The following PHF3 variants were observed in gnomAD, a reference collection of about 807,000 sequenced individuals.
The protein encoded by PHF3 is PHD finger protein 3.
Under a neutral mutation model 178.4 loss-of-function variants are expected in PHF3, and 41 were observed. The observed-to-expected ratio is 0.23, with a 90% CI of 0.18 to 0.30. The LOEUF is 0.30. Ranked by LOEUF, PHF3 falls within the 10% of genes least tolerant of loss-of-function variation. PHF3 has a pLI of 1.00. For synonymous variants in PHF3, 842 were observed against 800.5 expected (o/e 1.05, Z -0.88); for missense variants, 2,346 against 2,398.1 (o/e 0.98, Z 0.45).
At chr6:63,689,295 A>G (rs1233408246) in intron 4 of PHF3, among the ~76,000 whole-genome samples, 1 of 152,076 alleles carries the variant, frequency 6.6e-6, no homozygotes, top group East Asian at 1.9e-4. Flanking sequence ...CTGTTTTTCT[A>G]CTTCTCCAGA....
chr6:63,636,439 CCACTGGTA>C lies in PHF3; in HGVS notation c.-26+291_-26+298del, dbSNP rs145801805. On this transcript the variant is annotated intron_variant, in intron 1 of 15. Coordinates refer to ENST00000262043, the MANE Select transcript of PHF3 (RefSeq NM_001370348.2). The stretch of plus-strand genomic sequence containing the variant: ...GTCGGGACCACGGCCTCTCTCCCGA[CCACTGGTA>C]CCCAGCCGTCTGCTGCGAGGGCGCC... The C allele has an allele frequency of 5.6e-3, 854 of 152,380 alleles. 5 individuals are homozygous for C. The highest frequency in any genetic ancestry group is 0.02 in the African/African-American group (822 of 41,580). 9.4% of individuals were successfully genotyped at this position (152,380 alleles called of 1,614,324 possible).
chr6:63,709,964 A>T (rs1334173474), intron 14 of PHF3, among the ~76,000 whole-genome samples: 1 of 152,128 alleles, frequency 6.6e-6, no homozygotes, highest in East Asian at 1.9e-4. Context: ...GGAAAATTTA[A>T]TCATTAGAAG....
intron 12 of PHF3, among the ~76,000 whole-genome samples, 173 bp from the exon 13 acceptor site, chr6:63,706,556 A>C (rs1767701813): frequency 6.6e-6 from 1 of 152,228 alleles, no homozygotes; most frequent in African/African-American, 2.4e-5. Context: ...AGATTTTGTA[A>C]AACATTACTA....
chr6:63,713,720 T>G lies in PHF3; in HGVS notation c.*12T>G. The G allele has an allele frequency of 6.5e-7, 1 of 1,530,028 alleles. No individual in the cohort carries two copies. Among genetic ancestry groups the G allele is most frequent in the Non-Finnish European group, 8.7e-7 (1 of 1,143,110 alleles). 94.8% of individuals were successfully genotyped at this position (1,530,028 alleles called of 1,614,324 possible). A position where few individuals can be genotyped will look rare whatever the true frequency, so the allele number is the denominator to read the frequency against. Reference sequence around the variant, plus strand: ...AAAGCAAAAGGTAAAATTTGCAGGCTGCTTCAGGATTACATTTAAATAACT... The same window carrying G: ...AAAGCAAAAGGTAAAATTTGCAGGCGGCTTCAGGATTACATTTAAATAACT... On this transcript the variant is annotated 3_prime_UTR_variant, in exon 16 of 16. Coordinates refer to ENST00000262043, the MANE Select transcript of PHF3 (RefSeq NM_001370348.2).
intron 4 of PHF3, among the ~76,000 whole-genome samples, chr6:63,691,209 T>C (rs374034582): frequency 6.6e-5 from 10 of 152,292 alleles, no homozygotes; most frequent in African/African-American, 2.4e-4. Context: ...GGCTCCATCA[T>C]GCTAGTTTTT....
rs1011389253 is a variant in PHF3 at position 63,711,652 on chromosome 6, A to T, written c.4064A>T (p.His1355Leu). ...ATTCGTCAGAAACTGAAGCGACAGC[A>T]CAGTGCCTGTGCTAGTACTAGTCAT... The part of the protein sequence containing the change: ...LIIRQKLKRQ[H>L]SACASTSHIA... Residue 1355 changes from histidine (H) to leucine (L), a missense_variant, in exon 16 of 16, where the codon CAC (histidine) becomes CTC (leucine). His to Leu is a moderately conservative substitution (Grantham distance 99, BLOSUM62 -3). This residue lies in a region of PHF3 where 839 missense variants were observed against 806.9 expected (regional missense o/e 1.04). Transcript: ENST00000262043. 1 of 1,611,726 alleles carries T rather than the reference A, an allele frequency of 6.2e-7. No homozygotes were observed. The highest frequency in any genetic ancestry group is 8.5e-7 in the Non-Finnish European group (1 of 1,179,394).
Position 63,718,059 on chromosome 6 carries a change from C to T in PHF3, c.*4351C>T, listed in dbSNP as rs1396273611. On this transcript the variant is annotated 3_prime_UTR_variant, in exon 16 of 16. Transcript: ENST00000262043. ...TCACCAGGATAGCAAAAATAGGAAG[C>T]GGGAATAGTGTTGATTTGTTACATG... is the stretch of plus-strand genomic sequence containing the variant. Among the ~76,000 whole-genome samples the T allele has an allele frequency of 1.3e-5, 2 of 151,782 alleles. No individual in the cohort carries two copies. The highest frequency in any genetic ancestry group is 4.8e-5 in the African/African-American group (2 of 41,382).
In PHF3 at chr6:63,684,697, A is replaced by G. The variant is rs751649183; in HGVS notation, c.975A>G (p.Thr325=). ...TRKVEQDSKE[T]VKLSHEDDHI... ...AAGTTGAACAAGATTCAAAGGAGAC[A>G]GTAAAATTATCCCATGAAGATGACC... Residue 325 remains threonine, a synonymous_variant, in exon 4 of 16, where the codon ACA becomes ACG. Transcript: ENST00000262043. 4.3e-6 allele frequency: 7 copies of G among 1,613,700 alleles called. No homozygotes were observed. In the East Asian group the frequency reaches 1.1e-4, roughly 26 times the overall value.
At chr6:63,636,231 G>A (rs892179020) in intron 1 of PHF3, 81 bp downstream of exon 1, 2 of 324,690 alleles carry the variant, frequency 6.2e-6, no homozygotes, top group Admixed American at 4.9e-5. Context: ...CAGCGCCTCC[G>A]CGGGCCTCTC....
intron 2 of PHF3, among the ~76,000 whole-genome samples, chr6:63,655,325 C>T (rs1486740884): frequency 2.6e-5 from 4 of 152,080 alleles, no homozygotes; most frequent in African/African-American, 9.7e-5. Context: ...GATCCACCTG[C>T]GTTGGCTTCC....
chr6:63,682,931 T>A (rs1766502604), intron 3 of PHF3, among the ~76,000 whole-genome samples: 1 of 152,112 alleles, frequency 6.6e-6, no homozygotes, highest in Non-Finnish European at 1.5e-5. Context: ...AGCTGTAAAT[T>A]ACTATAATCT....
rs779945603 is a variant in PHF3, at chr6:63,712,401, T to C, written c.4813T>C (p.Leu1605=). 6.2e-7 allele frequency: 1 copy of C among 1,613,848 alleles called. No individual in the cohort carries two copies. Among genetic ancestry groups the C allele is most frequent in the Admixed American group, 1.7e-5 (1 of 59,964 alleles). ...GCTTCAGGAAGATCAAGAGAATAAT[T>C]TGCAAGATAACCAGACTTCAAATAG... ...RQLQEDQENN[L]QDNQTSNSSP... Residue 1605 remains leucine (L), a synonymous_variant, in exon 16 of 16, where the codon TTG becomes CTG. Coordinates refer to ENST00000262043, the MANE Select transcript of PHF3 (RefSeq NM_001370348.2).
At chr6:63,705,721 T>G (rs1461737575) in intron 11 of PHF3, among the ~76,000 whole-genome samples, 1 of 152,176 alleles carries the variant, frequency 6.6e-6, no homozygotes, top group Non-Finnish European at 1.5e-5. Flanking sequence ...ATAAAGAGAT[T>G]TTAAGGGGAA....
At chr6:63,643,640 C>T (rs993327278) in intron 1 of PHF3, among the ~76,000 whole-genome samples, 5 of 152,104 alleles carry the variant, frequency 3.3e-5, no homozygotes, top group Middle Eastern at 3.2e-3. Flanking sequence ...AATAAATAAA[C>T]GGTATTGTTA....
chr6:63,719,007 TGTTTTAAGTGGTTTCC>T lies in PHF3; in HGVS notation c.*5303_*5318del, dbSNP rs1240959516. On this transcript the variant is annotated 3_prime_UTR_variant, in exon 16 of 16. Coordinates refer to ENST00000262043, the MANE Select transcript of PHF3 (RefSeq NM_001370348.2). ...GTTTTTCAGCAAAATTTGATGGAGTTGTTTTAAGTGGTTTCCGTTAAAAAAACAAACCTTTGAATCA... is the reference window on the plus strand; with the variant it reads ...GTTTTTCAGCAAAATTTGATGGAGTTGTTAAAAAAACAAACCTTTGAATCA... 6.6e-6 allele frequency among the ~76,000 whole-genome samples: 1 copy of T among 152,016 alleles called. No individual in the cohort carries two copies. Among genetic ancestry groups the T allele is most frequent in the African/African-American group, 2.4e-5 (1 of 41,430 alleles).
At chr6:63,704,889 G>A (rs1011955623) in intron 11 of PHF3, among the ~76,000 whole-genome samples, 2 of 152,060 alleles carry the variant, frequency 1.3e-5, no homozygotes, top group Admixed American at 6.6e-5. Context: ...TTGCCTTCCC[G>A]CCAGCAATGA....
chr6:63,673,340 G>C (rs945200119), intron 2 of PHF3, among the ~76,000 whole-genome samples: 2 of 151,754 alleles, frequency 1.3e-5, no homozygotes, highest in African/African-American at 4.8e-5. Flanking sequence ...ATCCCAAAGT[G>C]ATTTCAGTTC....
chr6:63,642,863 G>C (rs1764634383), intron 1 of PHF3, among the ~76,000 whole-genome samples: 1 of 152,060 alleles, frequency 6.6e-6, no homozygotes, highest in African/African-American at 2.4e-5. Flanking sequence ...AATTAGATCT[G>C]ATTATCTGTT....
chr6:63,696,447 G>T (rs189521941), intron 6 of PHF3, among the ~76,000 whole-genome samples: 117 of 150,240 alleles, frequency 7.8e-4, no homozygotes, highest in Admixed American at 2.5e-3. Flanking sequence ...AACCTCCTGA[G>T]TGGCTGGACT....
Sources: gnomAD v4.1 joint callset for allele counts (sites outside exome capture counted in the v4.1 genomes callset) on GRCh38, gnomAD v4.1.1 for gene constraint, gnomAD v4.1.1 regional missense constraint, MANE v1.5 for transcripts, NCBI Gene and HGNC (gene_info 2026-07-23, HGNC 2026-07-21) for gene names.